TBC1D22A: variants seen among roughly 807,000 people sequenced by gnomAD.
TBC1D22A encodes TBC1 domain family member 22A.
A neutral mutation model predicts 60.2 loss-of-function variants in TBC1D22A; 38 were observed. That is an observed-to-expected ratio of 0.63 (90% confidence interval 0.49 to 0.83). The LOEUF (loss-of-function observed/expected upper bound fraction) is 0.83, where lower values mean the gene tolerates loss of function less well. Among genes scored for constraint, TBC1D22A ranks in the 40% least tolerant of loss-of-function variants. TBC1D22A has a pLI of 0.00. For synonymous variants in TBC1D22A, 302 were observed against 281.7 expected, an observed-to-expected ratio of 1.07 and a Z score of -0.72; for missense variants, 628 against 701.0, an observed-to-expected ratio of 0.90 and a Z score of 1.18.
At chr22:46,851,746 A>G (rs2087287799) in intron 4 of TBC1D22A, among the ~76,000 whole-genome samples, 1 of 152,232 alleles carries the variant, frequency 6.6e-6, no homozygotes. Flanking sequence ...AGAGGTACTT[A>G]GTGACCTCCA....
chr22:47,014,587 C>T (rs2061850969), intron 10 of TBC1D22A, among the ~76,000 whole-genome samples: 1 of 152,244 alleles, frequency 6.6e-6, no homozygotes, highest in East Asian at 1.9e-4. Context: ...CCATCCTTCA[C>T]CTCACTTACT....
chr22:46,877,049 A>G (rs2067601633), intron 4 of TBC1D22A, among the ~76,000 whole-genome samples: 1 of 152,142 alleles, frequency 6.6e-6, no homozygotes, highest in South Asian at 2.1e-4. Context: ...TTTTGTCTGT[A>G]TTCAGAAGTG....
intron 12 of TBC1D22A, among the ~76,000 whole-genome samples, chr22:47,130,776 C>T (rs2066652852): frequency 6.6e-6 from 1 of 152,158 alleles, no homozygotes; most frequent in Non-Finnish European, 1.5e-5. Flanking sequence ...ATTAAATTCC[C>T]TGCCATATTT....
At chr22:46,900,791 G>A (rs749282463) in intron 7 of TBC1D22A, among the ~76,000 whole-genome samples, 1 of 152,164 alleles carries the variant, frequency 6.6e-6, no homozygotes, top group Non-Finnish European at 1.5e-5. Context: ...CTGTGCACCC[G>A]TTGACGGACA....
chr22:47,089,071 C>A (rs1174265300), intron 11 of TBC1D22A, among the ~76,000 whole-genome samples: 1 of 152,008 alleles, frequency 6.6e-6, no homozygotes, highest in African/African-American at 2.4e-5. Context: ...GACAGAGAAG[C>A]AAGAAAGAGG....
chr22:46,859,098 T>G (rs1265707062), intron 4 of TBC1D22A, among the ~76,000 whole-genome samples: 8 of 140,004 alleles, frequency 5.7e-5, no homozygotes, highest in Non-Finnish European at 3.1e-5. Context: ...GCTGTGCCCC[T>G]TCCCGGGACC....
rs186187524 is a variant in TBC1D22A at position 46,834,345 on chromosome 22, G to A, written c.637+36725G>A. Among the ~76,000 whole-genome samples the A allele has an allele frequency of 2.6e-5, 4 of 152,292 alleles. No individual in the cohort carries two copies. In the East Asian group the frequency reaches 7.7e-4, roughly 29 times the overall value. On this transcript the variant is annotated intron_variant, in intron 4 of 12. Transcript: ENST00000337137. ...GAGAGTACCCCTGTGGAGCACAGGA[G>A]TACAAGTGCAGAGGTCTTAGCAGTC...
At chr22:47,014,704 A>T (rs1291163526) in intron 10 of TBC1D22A, among the ~76,000 whole-genome samples, 2 of 149,042 alleles carry the variant, frequency 1.3e-5, no homozygotes, top group Admixed American at 6.7e-5. Flanking sequence ...TGAAACTTGG[A>T]GTCAGGATTG....
chr22:47,034,377 C>G (rs943636149), intron 10 of TBC1D22A, among the ~76,000 whole-genome samples: 5 of 152,218 alleles, frequency 3.3e-5, no homozygotes, highest in African/African-American at 1.2e-4. Context: ...ACTGGCACGT[C>G]AGCATCTTCT....
chr22:46,798,527 G>A (rs917463888), intron 4 of TBC1D22A, among the ~76,000 whole-genome samples: 2 of 152,272 alleles, frequency 1.3e-5, no homozygotes, highest in South Asian at 2.1e-4. Flanking sequence ...GCCAGGCTCT[G>A]TGGAACGCAC....
intron 5 of TBC1D22A, among the ~76,000 whole-genome samples, chr22:46,881,464 G>A (rs2067846725): frequency 6.6e-6 from 1 of 152,212 alleles, no homozygotes; most frequent in Admixed American, 6.5e-5. Flanking sequence ...TCTTATTCCT[G>A]TGCTCCCAGT....
chr22:47,017,722 C>T (rs1240276368), intron 10 of TBC1D22A, among the ~76,000 whole-genome samples: 1 of 152,138 alleles, frequency 6.6e-6, no homozygotes, highest in African/African-American at 2.4e-5. Flanking sequence ...CATTTCAGTG[C>T]TAGAAAAGTG....
intron 9 of TBC1D22A, 146 bp downstream of exon 9, chr22:46,974,545 C>A: frequency 4.3e-6 from 3 of 693,168 alleles, no homozygotes; most frequent in Non-Finnish European, 5.0e-6. Flanking sequence ...ATAGCACAGA[C>A]CCCTCCGGGT....
chr22:46,966,790 T>C (rs564019555), intron 8 of TBC1D22A, among the ~76,000 whole-genome samples: 1 of 152,366 alleles, frequency 6.6e-6, no homozygotes, highest in African/African-American at 2.4e-5. Flanking sequence ...GGCCAGCTGC[T>C]TCACAGACAC....
intron 12 of TBC1D22A, among the ~76,000 whole-genome samples, chr22:47,161,898 C>G (rs897572667): frequency 6.6e-6 from 1 of 152,368 alleles, no homozygotes; most frequent in Non-Finnish European, 1.5e-5. Flanking sequence ...AGTGAGCTGC[C>G]GGCGCTCTTG....
At chr22:46,875,346 G>A (rs145857164) in intron 4 of TBC1D22A, among the ~76,000 whole-genome samples, 408 of 152,322 alleles carry the variant, frequency 2.7e-3, no homozygotes, top group African/African-American at 9.5e-3. Context: ...GGCAAGTCCC[G>A]TCTATGGTGA....
At chr22:46,844,268 A>G (rs956764728) in intron 4 of TBC1D22A, among the ~76,000 whole-genome samples, 1 of 152,032 alleles carries the variant, frequency 6.6e-6, no homozygotes, top group Non-Finnish European at 1.5e-5. Flanking sequence ...CACTGAGTAC[A>G]CCGTTAACTG....
intron 7 of TBC1D22A, among the ~76,000 whole-genome samples, chr22:46,908,288 G>C (rs1440246125): frequency 6.6e-6 from 1 of 152,154 alleles, no homozygotes; most frequent in Non-Finnish European, 1.5e-5. Flanking sequence ...TGCTATAGTG[G>C]TGATGGCGTG....
intron 11 of TBC1D22A, among the ~76,000 whole-genome samples, chr22:47,070,297 C>T (rs568256129): frequency 5.9e-3 from 836 of 141,478 alleles, no homozygotes; most frequent in African/African-American, 0.022. Flanking sequence ...TTGGTTGGAG[C>T]GGAGCTGACT....
Sources: allele counts gnomAD v4.1 joint callset (sites outside exome capture counted in the v4.1 genomes callset), GRCh38; gene constraint gnomAD v4.1.1; transcripts MANE v1.5; gene names NCBI Gene and HGNC (gene_info 2026-07-23, HGNC 2026-07-21).